ZPLD1: variants seen among roughly 807,000 people sequenced by gnomAD.
ZPLD1 encodes the protein zona pellucida-like domain-containing protein 1.
Under a neutral mutation model 47.2 loss-of-function variants are expected in ZPLD1, and 34 were observed. That is an observed-to-expected ratio of 0.72 (90% CI 0.55 to 0.96). The LOEUF (loss-of-function observed/expected upper bound fraction) is 0.96. Ranked by LOEUF, ZPLD1 falls within the 40% of genes least tolerant of loss-of-function variation. The pLI is 0.00. For missense variants in ZPLD1, 512 were observed against 505.8 expected (o/e 1.01, Z -0.12); for synonymous variants, 176 against 186.2 (o/e 0.95, Z 0.45).
intron 8 of ZPLD1, among the ~76,000 whole-genome samples, chr3:102,421,391 A>C (rs1204840063): frequency 2.0e-5 from 3 of 151,848 alleles, no homozygotes; most frequent in African/African-American, 7.2e-5. Context: ...TTTTCATGTA[A>C]TAAGTTATAA....
chr3:102,468,478 ATTGATACGG>A, intron 8 of ZPLD1, among the ~76,000 whole-genome samples: 1 of 152,210 alleles, frequency 6.6e-6, no homozygotes, highest in Admixed American at 6.5e-5. Context: ...CTCTCTAAAT[ATTGATACGG>A]AAAGATCTCT....
intron 7 of ZPLD1, among the ~76,000 whole-genome samples, chr3:102,396,200 A>G (rs1024125556): frequency 6.6e-6 from 1 of 152,146 alleles, no homozygotes; most frequent in African/African-American, 2.4e-5. Flanking sequence ...GTGCTTCACT[A>G]CTTTTAAAAG....
chr3:102,387,484 C>A (rs1259452990), intron 6 of ZPLD1, among the ~76,000 whole-genome samples: 1 of 152,080 alleles, frequency 6.6e-6, no homozygotes, highest in African/African-American at 2.4e-5. Context: ...TCTTGACTTT[C>A]TTTGTCAGAG....
intron 7 of ZPLD1, among the ~76,000 whole-genome samples, chr3:102,413,094 C>A (rs1021728895): frequency 6.6e-6 from 1 of 151,552 alleles, no homozygotes; most frequent in African/African-American, 2.4e-5. Flanking sequence ...AGTCATCTGT[C>A]CTTTGGTGTG....
intron 7 of ZPLD1, among the ~76,000 whole-genome samples, chr3:102,396,577 A>T (rs1469892669): frequency 6.6e-6 from 1 of 152,110 alleles, no homozygotes; most frequent in Non-Finnish European, 1.5e-5. Context: ...CATCAAGGAG[A>T]TGTGGTAATA....
chr3:102,402,007 A>AT (rs1190170473), intron 7 of ZPLD1, among the ~76,000 whole-genome samples: 8 of 151,996 alleles, frequency 5.3e-5, no homozygotes, highest in South Asian at 4.1e-4. Flanking sequence ...AAGTAAAGGC[A>AT]TTTTTTTCCC....
chr3:102,467,884 C>T (rs1707622214), intron 8 of ZPLD1, among the ~76,000 whole-genome samples: 1 of 148,050 alleles, frequency 6.8e-6, no homozygotes, highest in Non-Finnish European at 1.5e-5. Flanking sequence ...CACGGAATGT[C>T]CAAAGCCAAA....
intron 7 of ZPLD1, chr3:102,392,238 A>G (rs1706504290): frequency 1.3e-5 from 2 of 152,162 alleles, no homozygotes; most frequent in African/African-American, 2.4e-5. Context: ...AAGAACTCTC[A>G]GGTCTTTTTC....
chr3:102,430,137 T>G (rs548759763), upstream of ZPLD1, among the ~76,000 whole-genome samples: 4 of 152,292 alleles, frequency 2.6e-5, no homozygotes, highest in South Asian at 8.3e-4. Flanking sequence ...GGCCCTCTCC[T>G]CCTAGCTCAG....
At chr3:102,403,219 T>C (rs1372878869) in intron 7 of ZPLD1, among the ~76,000 whole-genome samples, 2 of 151,956 alleles carry the variant, frequency 1.3e-5, no homozygotes, top group African/African-American at 2.4e-5. Context: ...ATATATTCTG[T>C]ATGTATTCAT....
intron 1 of ZPLD1, among the ~76,000 whole-genome samples, chr3:102,435,418 G>A (rs532994071): frequency 6.6e-6 from 1 of 152,292 alleles, no homozygotes; most frequent in Admixed American, 6.5e-5. Flanking sequence ...ACTAGCCCAT[G>A]AGACACTTTG....
chr3:102,417,977 G>A (rs1264934715), intron 7 of ZPLD1: 2 of 152,302 alleles, frequency 1.3e-5, no homozygotes, highest in Non-Finnish European at 2.9e-5. Context: ...TGGTGGTGAT[G>A]ATTAGTTTTG....
At chr3:102,475,843 A>C (rs1464023786) in intron 10 of ZPLD1, among the ~76,000 whole-genome samples, 1 of 152,200 alleles carries the variant, frequency 6.6e-6, no homozygotes, top group Non-Finnish European at 1.5e-5. Flanking sequence ...AAATGGTGTC[A>C]GATATTTTAT....
chr3:102,428,720 G>GTA (rs1379451721), intron 8 of ZPLD1, among the ~76,000 whole-genome samples: 1 of 150,018 alleles, frequency 6.7e-6, no homozygotes, highest in African/African-American at 2.4e-5. Flanking sequence ...TAACATATAT[G>GTA]TATATATATG....
intron 7 of ZPLD1, among the ~76,000 whole-genome samples, chr3:102,396,944 T>C (rs1354435088): frequency 6.6e-6 from 1 of 152,148 alleles, no homozygotes; most frequent in Non-Finnish European, 1.5e-5. Flanking sequence ...ATTTCTAAAA[T>C]GCAGATTTCT....
chr3:102,394,817 G>T (rs1474814580), intron 7 of ZPLD1, among the ~76,000 whole-genome samples: 1 of 152,134 alleles, frequency 6.6e-6, no homozygotes, highest in Non-Finnish European at 1.5e-5. Flanking sequence ...AATATGGAAA[G>T]AAATTGAGAG....
At chr3:102,415,476 G>T (rs963178671) in intron 7 of ZPLD1, among the ~76,000 whole-genome samples, 2 of 151,706 alleles carry the variant, frequency 1.3e-5, no homozygotes, top group African/African-American at 4.8e-5. Flanking sequence ...AAAAAAAGGA[G>T]CTCTGAAAAT....
At chr3:102,397,655 G>A (rs1706573311) in intron 7 of ZPLD1, among the ~76,000 whole-genome samples, 1 of 152,072 alleles carries the variant, frequency 6.6e-6, no homozygotes, top group Non-Finnish European at 1.5e-5. Context: ...TCTAGGACAG[G>A]GAGTCCTGTG....
chr3:102,452,339 A>C (rs1016200178), intron 3 of ZPLD1, among the ~76,000 whole-genome samples: 3 of 151,712 alleles, frequency 2.0e-5, no homozygotes, highest in Non-Finnish European at 1.5e-5. Flanking sequence ...TCATAATATC[A>C]ACACTATTTT....
Sources: gnomAD v4.1 joint callset for allele counts (sites outside exome capture counted in the v4.1 genomes callset) on GRCh38, gnomAD v4.1.1 for gene constraint, MANE v1.5 for transcripts, NCBI Gene and HGNC (gene_info 2026-07-23, HGNC 2026-07-21) for gene names.